SYNE2: variants seen among roughly 807,000 people sequenced by gnomAD.
The protein encoded by SYNE2 is nesprin-2.
Under a neutral mutation model 856.3 loss-of-function variants are expected in SYNE2, and 431 were observed. The observed-to-expected ratio is 0.50, with a 90% confidence interval of 0.47 to 0.55. The LOEUF (loss-of-function observed/expected upper bound fraction) is 0.55. SYNE2 is among the 20% of genes least tolerant of loss of function. The probability of loss-of-function intolerance (pLI) is 0.00; values close to 1 mark genes in which losing one functional copy is unlikely to be tolerated. For synonymous variants in SYNE2, 2,923 were observed against 2,872.3 expected (o/e 1.02, Z -0.56); for missense variants, 8,129 against 8,023.2 (o/e 1.01, Z -0.50).
chr14:64,102,616 A>G (rs929898173), intron 64 of SYNE2, among the ~76,000 whole-genome samples: 3 of 150,642 alleles, frequency 2.0e-5, no homozygotes, highest in African/African-American at 7.3e-5. Flanking sequence ...TAATTAACAT[A>G]TGCATTACCT....
chr14:63,974,488 G>A (rs1357222383), intron 11 of SYNE2, among the ~76,000 whole-genome samples: 1 of 151,952 alleles, frequency 6.6e-6, no homozygotes, highest in South Asian at 2.1e-4. Context: ...CCCGATACTG[G>A]GTATCAAACT....
intron 1 of SYNE2, among the ~76,000 whole-genome samples, chr14:63,869,668 A>G (rs116058619): frequency 0.041 from 5,860 of 143,766 alleles, 394 homozygotes; most frequent in African/African-American, 0.14. Context: ...AACTGCTCCC[A>G]ATAAATAATT....
chr14:64,093,504 G>T (rs375229797), intron 61 of SYNE2, 24 bp downstream of exon 61: 52 of 1,613,854 alleles, frequency 3.2e-5, no homozygotes, highest in Non-Finnish European at 4.3e-5. Flanking sequence ...ATTCATAAAG[G>T]TATGTTTCAT....
intron 16 of SYNE2, 49 bp from the exon 17 acceptor site, chr14:63,982,577 TAGAA>T (rs1018497989): frequency 5.6e-6 from 8 of 1,428,872 alleles, no homozygotes; most frequent in Non-Finnish European, 7.9e-6. Flanking sequence ...TTATACATAA[TAGAA>T]AGACAATATC....
chr14:63,842,028 GT>G lies in SYNE2; in HGVS notation c.-304-10470del, dbSNP rs1170017797. ...TTTTTGTATTTTTGGTAGAGACAGG[GT>G]TTCACCATGTTAGCCAGGGTGGTCT... On this transcript the variant is annotated intron_variant, in intron 1 of 23. Coordinates refer to the SYNE2 transcript ENST00000674003. Among the ~76,000 whole-genome samples, 31 of 151,798 alleles carry G rather than the reference GT, an allele frequency of 2.0e-4. 1 individual carries two copies. Among genetic ancestry groups the G allele is most frequent in the Admixed American group, 1.1e-3 (16 of 15,224 alleles).
At chr14:63,960,340 A>G (rs929212451) in intron 8 of SYNE2, among the ~76,000 whole-genome samples, 4 of 152,232 alleles carry the variant, frequency 2.6e-5, no homozygotes, top group Admixed American at 1.3e-4. Flanking sequence ...CATTGAACCT[A>G]GTAAATATGT....
chr14:64,078,501 T>C lies in SYNE2; in HGVS notation c.11058T>C (p.Tyr3686=). The C allele has an allele frequency of 6.2e-7, 1 of 1,614,114 alleles. No individual in the cohort carries two copies. Among genetic ancestry groups the C allele is most frequent in the Non-Finnish European group, 8.5e-7 (1 of 1,179,992 alleles). ...SNEVLKSSPS[Y]AMRRKIEEIN... ...AAGTCTTAAAAAGCTCACCATCATATGCAATGAGGAGAAAAATAGAAGAAA... is the reference window on the plus strand; with the variant it reads ...AAGTCTTAAAAAGCTCACCATCATACGCAATGAGGAGAAAAATAGAAGAAA... The change falls in exon 55 of 116, where the codon TAT becomes TAC. Residue 3686 remains tyrosine, a synonymous_variant. Coordinates refer to ENST00000555002, the MANE Select transcript of SYNE2 (RefSeq NM_182914.3).
At chr14:64,178,582 C>G (rs1026811678) in intron 96 of SYNE2, among the ~76,000 whole-genome samples, 3 of 147,602 alleles carry the variant, frequency 2.0e-5, no homozygotes, top group East Asian at 1.9e-4. Context: ...CTCAGCCCCC[C>G]CGAGTAGCCC....
At chr14:64,065,788 A>T (rs1044303089) in intron 51 of SYNE2, 138 bp downstream of exon 51, 2 of 929,326 alleles carry the variant, frequency 2.2e-6, no homozygotes, top group Non-Finnish European at 3.3e-6. Context: ...TGATACATAA[A>T]TGTTTATAGA....
chr14:64,022,964 C>T (rs1594929074), intron 38 of SYNE2, 101 bp downstream of exon 38: 1 of 714,734 alleles, frequency 1.4e-6, no homozygotes, highest in Non-Finnish European at 2.5e-6. Context: ...CATGGTAACT[C>T]ACACCTGTAA....
intron 1 of SYNE2, among the ~76,000 whole-genome samples, chr14:63,775,539 G>T (rs780041364): frequency 2.6e-5 from 4 of 152,172 alleles, no homozygotes; most frequent in Non-Finnish European, 5.9e-5. Context: ...GCCTCCCAAA[G>T]TGTTGGGATT....
intron 2 of SYNE2, among the ~76,000 whole-genome samples, chr14:63,920,188 G>A (rs1188886066): frequency 6.6e-6 from 1 of 151,884 alleles, no homozygotes; most frequent in African/African-American, 2.4e-5. Context: ...TCTGATTACA[G>A]AGATACACAC....
intron 104 of SYNE2, 67 bp from the exon 105 acceptor site, chr14:64,212,744 G>A (rs2098647774): frequency 7.0e-7 from 1 of 1,437,246 alleles, no homozygotes; most frequent in Admixed American, 1.7e-5. Context: ...GGCCCTGTTA[G>A]AAGAAACAGG....
At chr14:64,104,295 C>T (rs1225717415) in intron 64 of SYNE2, among the ~76,000 whole-genome samples, 9 of 152,020 alleles carry the variant, frequency 5.9e-5, no homozygotes, top group Admixed American at 2.6e-4. Context: ...TCTTTAACTG[C>T]GGTGTTCCTT....
At chr14:63,870,041 A>T (rs1223851751) in intron 1 of SYNE2, among the ~76,000 whole-genome samples, 1 of 152,116 alleles carries the variant, frequency 6.6e-6, no homozygotes, top group Non-Finnish European at 1.5e-5. Context: ...CTTTCAAAAC[A>T]TTATTGCGAA....
At chr14:64,213,141 T>C in intron 105 of SYNE2, 136 bp downstream of exon 105, 3 of 878,424 alleles carry the variant, frequency 3.4e-6, no homozygotes, top group Non-Finnish European at 5.3e-6. Flanking sequence ...AAGGGCTATA[T>C]CAAAACATTT....
chr14:64,076,163 TATC>T (rs1387956771), intron 54 of SYNE2, 63 bp downstream of exon 54: 14 of 1,555,420 alleles, frequency 9.0e-6, no homozygotes, highest in Non-Finnish European at 1.1e-5. Context: ...AGGAGGAAAA[TATC>T]ATTTAATGTC....
intron 49 of SYNE2, among the ~76,000 whole-genome samples, chr14:64,060,267 C>T (rs977655757): frequency 3.3e-5 from 5 of 152,136 alleles, no homozygotes; most frequent in Admixed American, 1.3e-4. Context: ...CCACCTGAAG[C>T]CAGCATGTCT....
At chr14:63,802,256 G>GCCA (rs1888164331) in intron 1 of SYNE2, among the ~76,000 whole-genome samples, 1 of 150,500 alleles carries the variant, frequency 6.6e-6, no homozygotes, top group Admixed American at 6.7e-5. Context: ...ACAGGCATGT[G>GCCA]CCACCACACC....
Sources: allele counts gnomAD v4.1 joint callset (sites outside exome capture counted in the v4.1 genomes callset), GRCh38; gene constraint gnomAD v4.1.1; transcripts MANE v1.5; gene names NCBI Gene and HGNC (gene_info 2026-07-23, HGNC 2026-07-21).